The following CORO7 variants were observed in gnomAD, a reference collection of about 807,000 sequenced individuals.
CORO7 encodes the protein coronin-7.
A neutral mutation model predicts 126.6 loss-of-function variants in CORO7; 107 were observed. The ratio of observed to expected loss-of-function variants is 0.85; its 90% CI spans 0.72 to 0.99. CORO7 has a LOEUF of 0.99. Among genes scored for constraint, CORO7 ranks in the 50% least tolerant of loss-of-function variants. The pLI is 0.00. For synonymous variants in CORO7, 603 were observed against 536.8 expected, an observed-to-expected ratio of 1.12 and a Z score of -1.70; for missense variants, 1,314 against 1,255.8, an observed-to-expected ratio of 1.05 and a Z score of -0.70.
In CORO7 at chr16:4,360,314, C is replaced by T. The variant is rs146253104; in HGVS notation, c.2072G>A (p.Cys691Tyr). 2.3e-4 allele frequency: 375 copies of T among 1,613,686 alleles called. No individual in the cohort carries two copies. Among genetic ancestry groups the T allele is most frequent in the Admixed American group, 5.3e-4 (32 of 60,026 alleles). ...GGRGARIVWV[C>Y]DGRCLLVSGF... ...AGACACCAGCAGACAGCGACCATCA[C>T]ATACCCAGACAATGCGAGCTCCGCG... The change falls in exon 21 of 28, where the codon TGT (cysteine) becomes TAT (tyrosine). Residue 691 changes from cysteine to tyrosine, a missense_variant. By Grantham distance (194) the Cys-to-Tyr change is radical. Transcript: ENST00000251166.
chr16:4,392,123 G>A (rs892051875), intron 7 of CORO7, among the ~76,000 whole-genome samples: 4 of 152,188 alleles, frequency 2.6e-5, no homozygotes, highest in African/African-American at 9.7e-5. Flanking sequence ...GATTCCTAGA[G>A]GGCTCAATCC....
Position 4,360,490 on chromosome 16 carries a change from C to T in CORO7, c.1976G>A (p.Gly659Glu). 2 of 1,612,348 alleles carry T rather than the reference C, an allele frequency of 1.2e-6. No homozygotes were observed. Among genetic ancestry groups the T allele is most frequent in the East Asian group, 2.2e-5 (1 of 44,854 alleles). ...CCGGGGCCTGTAGACCCGCACACGC[C>T]CATCCTTGCAGACAGTGGCCAGCTG... ...GQQLATVCKD[G>E]RVRVYRPRSG... Residue 659 changes from glycine to glutamate, a missense_variant, in exon 20 of 28, where the codon GGG becomes GAG. Gly to Glu is a moderately conservative substitution (Grantham distance 98, BLOSUM62 -2). Coordinates refer to ENST00000251166, the MANE Select transcript of CORO7 (RefSeq NM_024535.5).
chr16:4,408,055 G>A, intron 4 of CORO7, 126 bp downstream of exon 4: 1 of 1,419,928 alleles, frequency 7.0e-7, no homozygotes, highest in Non-Finnish European at 9.7e-7. Flanking sequence ...CAGCCCCGCA[G>A]CCCTGGGGAG....
At chr16:4,391,709 C>T (rs1253365655) in intron 7 of CORO7, among the ~76,000 whole-genome samples, 2 of 152,226 alleles carry the variant, frequency 1.3e-5, no homozygotes, top group Non-Finnish European at 2.9e-5. Context: ...CCCGCCTGGG[C>T]GACAGAGCGA....
At chr16:4,384,642 C>T (rs1035356067) in intron 9 of CORO7, among the ~76,000 whole-genome samples, 2 of 152,224 alleles carry the variant, frequency 1.3e-5, no homozygotes, top group African/African-American at 4.8e-5. Context: ...GGCCCAGCCA[C>T]GCGAGGCTCT....
At chr16:4,382,516 G>T in intron 9 of CORO7, 1 of 1,592,420 alleles carries the variant, frequency 6.3e-7, no homozygotes, top group East Asian at 2.3e-5. Flanking sequence ...GCCGGAGGGC[G>T]AGGAGGCCTG....
chr16:4,399,355 T>C (rs1340707993), intron 6 of CORO7, among the ~76,000 whole-genome samples: 3 of 152,204 alleles, frequency 2.0e-5, no homozygotes, highest in Non-Finnish European at 2.9e-5. Flanking sequence ...AGCATTTCAT[T>C]ATGCTCAGAG....
At position 4,416,576 on chromosome 16, in the gene CORO7, G is replaced by T; in HGVS notation, c.-58C>A. 1 of 1,552,910 alleles carries T rather than the reference G, an allele frequency of 6.4e-7. No homozygotes were observed. ...GGACCCCGGGCGTCGGGTCTCAGGTGCACGCTGAGCAACCGCGACTCCCGC... is the reference window on the plus strand; with the variant it reads ...GGACCCCGGGCGTCGGGTCTCAGGTTCACGCTGAGCAACCGCGACTCCCGC... On this transcript the variant is annotated 5_prime_UTR_variant, in exon 1 of 28. Coordinates refer to ENST00000251166, the MANE Select transcript of CORO7 (RefSeq NM_024535.5).
chr16:4,391,762 T>C (rs933252706), intron 7 of CORO7, among the ~76,000 whole-genome samples: 1 of 152,130 alleles, frequency 6.6e-6, no homozygotes, highest in Admixed American at 6.5e-5. Context: ...AAGAGCCGTC[T>C]CCCCAGCTCC....
At chr16:4,390,527 T>A (rs2055350742) in intron 7 of CORO7, among the ~76,000 whole-genome samples, 1 of 152,192 alleles carries the variant, frequency 6.6e-6, no homozygotes, top group Admixed American at 6.5e-5. Context: ...GGAACTGGCA[T>A]CTGCAAAGAG....
At chr16:4,404,196 C>T (rs532912452) in intron 6 of CORO7, among the ~76,000 whole-genome samples, 1 of 152,332 alleles carries the variant, frequency 6.6e-6, no homozygotes, top group South Asian at 2.1e-4. Flanking sequence ...GGCCTCCCTG[C>T]CCTGCTAGCT....
chr16:4,365,378 C>G (rs920113753), intron 10 of CORO7, 113 bp downstream of exon 10: 9 of 1,454,394 alleles, frequency 6.2e-6, no homozygotes, highest in African/African-American at 2.8e-5. Context: ...GTCACCTTGG[C>G]TGCACAGGGG....
intron 9 of CORO7, among the ~76,000 whole-genome samples, chr16:4,377,496 C>T (rs1024782943): frequency 3.9e-5 from 6 of 152,202 alleles, no homozygotes; most frequent in Admixed American, 3.3e-4. Context: ...TGAAAACAAA[C>T]AGAACAACAG....
chr16:4,357,776 G>A, intron 25 of CORO7, 192 bp downstream of exon 25: 1 of 953,622 alleles, frequency 1.0e-6, no homozygotes, highest in Non-Finnish European at 1.5e-6. Flanking sequence ...TTAGGGGTGG[G>A]GACCTGTGAT....
At chr16:4,365,179 A>T (rs1261127288) in intron 10 of CORO7, 119 bp from the exon 11 acceptor site, 2 of 1,448,366 alleles carry the variant, frequency 1.4e-6, no homozygotes, top group East Asian at 5.0e-5. Flanking sequence ...CAGTGGCTGG[A>T]GATGGGGCTC....
rs752007351 is a variant in CORO7 at position 4,405,549 on chromosome 16, T to A, written c.506A>T (p.Asp169Val). 2 of 1,612,274 alleles carry A rather than the reference T, an allele frequency of 1.2e-6. No individual in the cohort carries two copies. Among genetic ancestry groups the A allele is most frequent in the South Asian group, 2.2e-5 (2 of 91,040 alleles). ...QPLTELAAHG[D>V]LVQSAVWSRD... is the part of the protein sequence containing the mutation. Reference sequence around the variant, plus strand: ...GCTCCAGACGGCGCTCTGCACCAGGTCCCCATGGGCTGCCAGCTCTGCAGA... The same window carrying A: ...GCTCCAGACGGCGCTCTGCACCAGGACCCCATGGGCTGCCAGCTCTGCAGA... Residue 169 changes from aspartate (D) to valine (V), a missense_variant, in exon 6 of 28, where the codon GAC (aspartate) becomes GTC (valine). Coordinates refer to ENST00000251166, the MANE Select transcript of CORO7 (RefSeq NM_024535.5).
At chr16:4,358,794 A>C (rs2054065745) in intron 23 of CORO7, 2 of 349,004 alleles carry the variant, frequency 5.7e-6, no homozygotes, top group Admixed American at 8.6e-5. Context: ...CATGCACTCC[A>C]ACACAGAAAC....
intron 19 of CORO7, 21 bp downstream of exon 19, chr16:4,360,922 C>T (rs200059264): frequency 2.4e-4 from 383 of 1,606,470 alleles, no homozygotes; most frequent in Non-Finnish European, 3.0e-4. Context: ...ACTGCTGGCC[C>T]CACCTCTGCA....
Position 4,408,388 on chromosome 16 carries a change from C to T in CORO7, c.233-137G>A, listed in dbSNP as rs61521231. 7.3e-3 allele frequency: 9,127 copies of T among 1,247,960 alleles called. 548 individuals are homozygous for T. The African/African-American group carries it at 0.12, about 17-fold the overall frequency. The allele number at this position is 1,247,960 out of a possible 1,614,324, so 77.3% of individuals were successfully genotyped here. Reference sequence around the variant, plus strand: ...CAAGTCTACAAGGGCCCTCTGGACACCATGGGGGCAAATGCCACAGGCCCC... The same window carrying T: ...CAAGTCTACAAGGGCCCTCTGGACATCATGGGGGCAAATGCCACAGGCCCC... On this transcript the variant is annotated intron_variant, in intron 3 of 27. Transcript: ENST00000251166.
Sources: allele counts gnomAD v4.1 joint callset (sites outside exome capture counted in the v4.1 genomes callset), GRCh38; gene constraint gnomAD v4.1.1; transcripts MANE v1.5; gene names NCBI Gene and HGNC (gene_info 2026-07-23, HGNC 2026-07-21).